The following NRXN3 variants were observed in gnomAD, a reference collection of about 807,000 sequenced individuals.
NRXN3 encodes neurexin III.
In NRXN3, 32 loss-of-function variants were observed where a neutral mutation model predicts 137.6. The observed-to-expected ratio is 0.23, with a 90% CI of 0.18 to 0.31. The LOEUF is 0.31. Among genes scored for constraint, NRXN3 ranks in the 10% least tolerant of loss-of-function variants. NRXN3 has a pLI of 1.00. For synonymous variants in NRXN3, 798 were observed against 784.5 expected (o/e 1.02, Z -0.29); for missense variants, 1,574 against 2,062.5 (o/e 0.76, Z 4.59).
chr14:79,174,644 A>T (rs2062126304), intron 15 of NRXN3, among the ~76,000 whole-genome samples: 1 of 151,638 alleles, frequency 6.6e-6, no homozygotes, highest in Non-Finnish European at 1.5e-5. Context: ...AAAAAAAAAA[A>T]AAGAGGAAAG....
chr14:79,833,548 T>C (rs1253282778), intron 20 of NRXN3, among the ~76,000 whole-genome samples: 1 of 152,118 alleles, frequency 6.6e-6, no homozygotes, highest in African/African-American at 2.4e-5. Flanking sequence ...TTCTTCAATT[T>C]ACATGGGCAT....
At chr14:79,812,741 G>T (rs1322871397) in intron 20 of NRXN3, among the ~76,000 whole-genome samples, 1 of 152,090 alleles carries the variant, frequency 6.6e-6, no homozygotes, top group East Asian at 1.9e-4. Flanking sequence ...TATGGTCAAA[G>T]GCCACACCGT....
At chr14:78,351,603 C>T (rs2083500135) in intron 4 of NRXN3, among the ~76,000 whole-genome samples, 1 of 151,938 alleles carries the variant, frequency 6.6e-6, no homozygotes, top group African/African-American at 2.4e-5. Flanking sequence ...TTGAGGTTCC[C>T]TTTTCTGTGA....
chr14:79,478,521 GC>G (rs933936594), intron 16 of NRXN3, among the ~76,000 whole-genome samples: 14 of 152,068 alleles, frequency 9.2e-5, no homozygotes, highest in African/African-American at 3.4e-4. Context: ...TTAACTTTGA[GC>G]CAGAGGACCC....
intron 4 of NRXN3, among the ~76,000 whole-genome samples, chr14:78,396,536 G>A (rs1446445006): frequency 2.6e-5 from 4 of 152,116 alleles, no homozygotes; most frequent in African/African-American, 9.7e-5. Context: ...ACTTCTTTCA[G>A]TTTTCTTTCA....
chr14:79,336,317 T>C (rs1208922782), intron 15 of NRXN3, among the ~76,000 whole-genome samples: 1 of 152,152 alleles, frequency 6.6e-6, no homozygotes, highest in African/African-American at 2.4e-5. Flanking sequence ...AAAAATCACC[T>C]TTTGACAATC....
intron 15 of NRXN3, among the ~76,000 whole-genome samples, chr14:79,184,564 A>G (rs1181863752): frequency 6.6e-6 from 1 of 152,136 alleles, no homozygotes; most frequent in Non-Finnish European, 1.5e-5. Flanking sequence ...TCATTTAAGG[A>G]ACATCTCCCT....
chr14:78,693,152 T>G (rs2098189907), intron 6 of NRXN3, among the ~76,000 whole-genome samples: 1 of 151,982 alleles, frequency 6.6e-6, no homozygotes, highest in African/African-American at 2.4e-5. Flanking sequence ...TTCTTGGCAC[T>G]TAGTATCTAG....
intron 1 of NRXN3, among the ~76,000 whole-genome samples, chr14:78,181,546 C>G (rs374408644): frequency 2.0e-4 from 30 of 152,208 alleles, no homozygotes; most frequent in African/African-American, 7.2e-4. Flanking sequence ...CTGCTGCCCA[C>G]TGCAGTGACT....
intron 15 of NRXN3, among the ~76,000 whole-genome samples, chr14:79,019,411 T>C (rs950341651): frequency 6.6e-6 from 1 of 152,134 alleles, no homozygotes; most frequent in East Asian, 1.9e-4. Context: ...GTGAGAGAGA[T>C]AGTCAATAAA....
At position 79,719,886 on chromosome 14, in the gene NRXN3, T is replaced by TA. The variant is rs376329854; in HGVS notation, c.4014+21950dup. Among the ~76,000 whole-genome samples the TA allele has an allele frequency of 4.9e-3, 746 of 152,250 alleles. 9 individuals carry two copies. Among genetic ancestry groups the TA allele is most frequent in the African/African-American group, 0.017 (709 of 41,546 alleles). The stretch of plus-strand genomic sequence containing the variant: ...AGGAGTTTTGAGTCAAAAATAAATT[T>TA]ATGTATTTCAAATGCTTAGAATAGT... On this transcript the variant is annotated intron_variant, in intron 19 of 20. Coordinates refer to ENST00000335750, the MANE Select transcript of NRXN3 (RefSeq NM_001330195.2).
chr14:79,600,530 C>T lies in NRXN3; in HGVS notation c.3445-63248C>T, dbSNP rs144692128. ...TCAAATACTAGAATCTGCAGGGACA[C>T]TGTCCTGGTTAAGAGGCAATAGAAA... is the stretch of plus-strand genomic sequence containing the variant. On this transcript the variant is annotated intron_variant, in intron 16 of 20. Coordinates refer to ENST00000335750, the MANE Select transcript of NRXN3 (RefSeq NM_001330195.2). Among the ~76,000 whole-genome samples the T allele has an allele frequency of 7.2e-5, 11 of 152,294 alleles. No homozygotes were observed. The East Asian group carries it at 1.4e-3, about 19-fold the overall frequency.
intron 15 of NRXN3, among the ~76,000 whole-genome samples, chr14:79,380,094 T>C (rs1035941133): frequency 5.3e-5 from 8 of 151,312 alleles, no homozygotes; most frequent in African/African-American, 1.9e-4. Flanking sequence ...TGAAGCATCC[T>C]GAAGGGAAAC....
chr14:78,991,201 G>C (rs1445850149), intron 15 of NRXN3, among the ~76,000 whole-genome samples: 1 of 152,164 alleles, frequency 6.6e-6, no homozygotes, highest in Non-Finnish European at 1.5e-5. Context: ...ATCAGAAAGT[G>C]GGTCTTATAT....
chr14:79,452,198 G>A (rs1207973546), intron 15 of NRXN3, among the ~76,000 whole-genome samples: 1 of 151,934 alleles, frequency 6.6e-6, no homozygotes, highest in Non-Finnish European at 1.5e-5. Context: ...GCACATGATT[G>A]ACTTAATCAG....
chr14:79,056,921 A>G (rs551851451), intron 15 of NRXN3, among the ~76,000 whole-genome samples: 1 of 152,368 alleles, frequency 6.6e-6, no homozygotes, highest in African/African-American at 2.4e-5. Flanking sequence ...AATAAAAACA[A>G]AACATTGGAT....
chr14:79,386,625 A>C (rs924591435), intron 15 of NRXN3, among the ~76,000 whole-genome samples: 1 of 152,204 alleles, frequency 6.6e-6, no homozygotes, highest in African/African-American at 2.4e-5. Flanking sequence ...TGGAACCAAA[A>C]AGGAGCCCAC....
chr14:79,273,955 G>A (rs2079840866), intron 15 of NRXN3, among the ~76,000 whole-genome samples: 2 of 151,852 alleles, frequency 1.3e-5, no homozygotes. Flanking sequence ...AAATTAGCCG[G>A]GCATGGTGGT....
At chr14:79,330,138 G>A (rs2153315658) in intron 15 of NRXN3, among the ~76,000 whole-genome samples, 1 of 152,120 alleles carries the variant, frequency 6.6e-6, no homozygotes, top group Non-Finnish European at 1.5e-5. Flanking sequence ...CCCATCAAAA[G>A]AGATTTTTAG....
Sources: gnomAD v4.1 joint callset for allele counts (sites outside exome capture counted in the v4.1 genomes callset) on GRCh38, gnomAD v4.1.1 for gene constraint, MANE v1.5 for transcripts, NCBI Gene and HGNC (gene_info 2026-07-23, HGNC 2026-07-21) for gene names.